FMO5: variants seen among roughly 807,000 people sequenced by gnomAD.
FMO5 encodes flavin-containing monooxygenase 5.
A neutral mutation model predicts 43.6 loss-of-function variants in FMO5; 51 were observed. The ratio of observed to expected loss-of-function variants is 1.17; its 90% CI spans 0.93 to 1.48. FMO5 has a LOEUF of 1.48. Ranked by LOEUF, FMO5 falls within the 40% of genes most tolerant of loss-of-function variation. FMO5 has a pLI of 0.00. For synonymous variants in FMO5, 187 were observed against 216.5 expected, an observed-to-expected ratio of 0.86 and a Z score of 1.20; for missense variants, 644 against 643.0, an observed-to-expected ratio of 1.00 and a Z score of -0.02.
At chr1:147,220,484 T>G (rs1451973126) in intron 2 of FMO5, among the ~76,000 whole-genome samples, 1 of 152,148 alleles carries the variant, frequency 6.6e-6, no homozygotes, top group African/African-American at 2.4e-5. Context: ...AGGCCTAGAA[T>G]AGAAGACTTT....
chr1:147,225,315 T>A lies in FMO5; in HGVS notation c.-66A>T, dbSNP rs1553927478. The stretch of plus-strand genomic sequence containing the variant: ...CTTTCCTGAAGCGCTCAACAGATCC[T>A]TCAGCTGCGATCTGGAGGAGACTCA... On this transcript the variant is annotated 5_prime_UTR_variant, in exon 1 of 9. It adds an upstream start codon to the 5' untranslated region. Transcript: ENST00000254090. 2.0e-6 allele frequency: 1 copy of A among 500,426 alleles called. No homozygotes were observed. The highest frequency in any genetic ancestry group is 1.9e-5 in the African/African-American group (1 of 51,606). The allele number at this position is 500,426 out of a possible 1,614,324, so 31.0% of individuals were successfully genotyped here.
At chr1:147,199,494 A>C (rs1482632249) in intron 7 of FMO5, among the ~76,000 whole-genome samples, 1 of 152,212 alleles carries the variant, frequency 6.6e-6, no homozygotes, top group Non-Finnish European at 1.5e-5. Context: ...ATTTTCCCTA[A>C]GATCCCATAA....
upstream of FMO5, chr1:147,225,930 T>C (rs1553927698): frequency 6.6e-6 from 1 of 152,184 alleles, no homozygotes; most frequent in East Asian, 1.9e-4. Flanking sequence ...GAAAGGGTCG[T>C]GATACATCAA....
chr1:147,198,290 T>A (rs1553920217), intron 7 of FMO5, among the ~76,000 whole-genome samples: 1 of 152,168 alleles, frequency 6.6e-6, no homozygotes, highest in Non-Finnish European at 1.5e-5. Context: ...ACCTCTTATG[T>A]GCTAGGCAGT....
At position 147,194,200 on chromosome 1, in the gene FMO5, G is replaced by T. The variant is rs1193496823; in HGVS notation, c.1184-3951C>A. Among the ~76,000 whole-genome samples, 22 of 152,138 alleles carry T rather than the reference G, an allele frequency of 1.4e-4. 1 individual carries two copies. The highest frequency in any genetic ancestry group is 2.5e-4 in the Non-Finnish European group (17 of 68,030). Reference sequence around the variant, plus strand: ...ATGAATCTGGGTGCTCCTGCATTGGGTGCATATATATTTAGGATAGTTAGG... The same window carrying T: ...ATGAATCTGGGTGCTCCTGCATTGGTTGCATATATATTTAGGATAGTTAGG... On this transcript the variant is annotated intron_variant, in intron 7 of 8. Coordinates refer to ENST00000254090, the MANE Select transcript of FMO5 (RefSeq NM_001461.4).
intron 2 of FMO5, among the ~76,000 whole-genome samples, chr1:147,219,963 G>A (rs942650473): frequency 2.0e-5 from 3 of 150,854 alleles, no homozygotes. Flanking sequence ...CTCAGCCTCC[G>A]GAGTAACTGG....
At chr1:147,215,695 C>T (rs1661860687) in intron 3 of FMO5, 59 bp downstream of exon 3, 11 of 1,264,818 alleles carry the variant, frequency 8.7e-6, no homozygotes, top group Admixed American at 2.0e-5. Flanking sequence ...ACTGAAACCA[C>T]GTTATTCATT....
chr1:147,222,951 A>T (rs1234568636), intron 2 of FMO5, among the ~76,000 whole-genome samples: 14 of 152,216 alleles, frequency 9.2e-5, no homozygotes, highest in African/African-American at 3.1e-4. Flanking sequence ...GTCCCATCCT[A>T]GGCCTACTGA....
intron 7 of FMO5, among the ~76,000 whole-genome samples, chr1:147,199,578 GAA>G (rs1658630683): frequency 2.0e-5 from 3 of 152,166 alleles, no homozygotes; most frequent in African/African-American, 4.8e-5. Context: ...CTTGGTCTTG[GAA>G]AAGAGTCCCA....
rs185413596 is a variant in FMO5 at position 147,212,684 on chromosome 1, T to C, written c.488-149A>G. ...AGCTACTTTCTTGCCTTTCTCAGTA[T>C]TTTTGCCTATTTTCTTTTCCCATAG... On this transcript the variant is annotated intron_variant, in intron 4 of 8. Coordinates refer to ENST00000254090, the MANE Select transcript of FMO5 (RefSeq NM_001461.4). The C allele has an allele frequency of 4.2e-4, 306 of 727,074 alleles. 3 individuals carry two copies. The highest frequency in any genetic ancestry group is 5.5e-4 in the Non-Finnish European group (249 of 451,024). The allele number at this position is 727,074 out of a possible 1,614,324, so 45.0% of individuals were successfully genotyped here. A position where few individuals can be genotyped will look rare whatever the true frequency, so the allele number is the denominator to read the frequency against.
At position 147,201,377 on chromosome 1, in the gene FMO5, C is replaced by T. The variant is rs782793382; in HGVS notation, c.958G>A (p.Glu320Lys). 1.4e-5 allele frequency: 22 copies of T among 1,614,066 alleles called. No individual in the cohort carries two copies. The highest frequency in any genetic ancestry group is 1.8e-5 in the Non-Finnish European group (21 of 1,180,030). Residue 320 changes from glutamate to lysine, a missense_variant, in exon 7 of 9, where the codon GAG becomes AAG. By Grantham distance (56) the Glu-to-Lys change is moderately conservative. Coordinates refer to ENST00000254090, the MANE Select transcript of FMO5 (RefSeq NM_001461.4). ...AAGATAACAGCATCAATGTCATCCT[C>T]CCTGGAGCCATCCTCAAATATGGCA... ...TAAIFEDGSR[E>K]DDIDAVIFAT...
At chr1:147,193,387 A>C (rs1657291861) in intron 7 of FMO5, among the ~76,000 whole-genome samples, 1 of 149,120 alleles carries the variant, frequency 6.7e-6, no homozygotes, top group Non-Finnish European at 1.5e-5. Flanking sequence ...CATCTATTTG[A>C]TTCTTCTCTT....
intron 7 of FMO5, among the ~76,000 whole-genome samples, chr1:147,190,462 G>C (rs781801949): frequency 2.0e-5 from 3 of 152,016 alleles, no homozygotes; most frequent in Non-Finnish European, 4.4e-5. Flanking sequence ...TCTTTGGAAG[G>C]GATTTCCCCT....
intron 7 of FMO5, among the ~76,000 whole-genome samples, chr1:147,199,730 A>G (rs1456789060): frequency 6.6e-6 from 1 of 152,204 alleles, no homozygotes; most frequent in East Asian, 1.9e-4. Context: ...GACTACTTGT[A>G]TAGTTCTCTC....
chr1:147,219,586 CCT>C (rs1553925826), intron 2 of FMO5, among the ~76,000 whole-genome samples: 1 of 151,940 alleles, frequency 6.6e-6, no homozygotes, highest in East Asian at 1.9e-4. Context: ...GTAAGGATGT[CCT>C]CTCTCACCAC....
Position 147,213,419 on chromosome 1 carries a change from A to G in FMO5, c.376T>C (p.Trp126Arg). 6.2e-7 allele frequency: 1 copy of G among 1,613,290 alleles called. No individual in the cohort carries two copies. The highest frequency in any genetic ancestry group is 8.5e-7 in the Non-Finnish European group (1 of 1,179,630). ...CCTTCAGATTCAGTGACCACTTCCC[A>G]TTGGCCTGAAGTGGCAAAATCAGGC... The part of the protein sequence containing the change: ...KQPDFATSGQ[W>R]EVVTESEGKK... Residue 126 changes from tryptophan (W) to arginine (R), a missense_variant, in exon 4 of 9, where the codon TGG becomes CGG. Trp to Arg is a moderately radical substitution (Grantham distance 101). Transcript: ENST00000254090.
At chr1:147,214,466 C>CA (rs11339668) in intron 3 of FMO5, among the ~76,000 whole-genome samples, 138,274 of 148,352 alleles carry the variant, frequency 0.93, 64,460 homozygotes, top group East Asian at 0.98. Context: ...AAACAAAAAA[C>CA]AAAAAAAAAA....
intron 6 of FMO5, among the ~76,000 whole-genome samples, chr1:147,207,857 C>A (rs782268498): frequency 9.9e-5 from 15 of 152,180 alleles, no homozygotes; most frequent in Non-Finnish European, 1.9e-4. Flanking sequence ...TATATCATCC[C>A]TGGGTCAGGA....
rs183170828 is a variant in FMO5, at chr1:147,188,800, T to C, written c.1256+1377A>G. ...AGGTTACATTATATCCTTGGGTTAC[T>C]GACTACTCAGGTTCAGGAGGTGGTT... On this transcript the variant is annotated intron_variant, in intron 8 of 8. Transcript: ENST00000254090. 1.1e-4 allele frequency among the ~76,000 whole-genome samples: 16 copies of C among 150,954 alleles called. 1 individual carries two copies. Among genetic ancestry groups the C allele is most frequent in the African/African-American group, 3.6e-4 (15 of 41,260 alleles).
Sources: gnomAD v4.1 joint callset for allele counts (sites outside exome capture counted in the v4.1 genomes callset) on GRCh38, gnomAD v4.1.1 for gene constraint, MANE v1.5 for transcripts, NCBI Gene and HGNC (gene_info 2026-07-23, HGNC 2026-07-21) for gene names.